ITGBL1: variants seen among roughly 807,000 people sequenced by gnomAD.
ITGBL1 encodes integrin subunit beta like 1, also known as integrin beta-like protein 1.
ITGBL1 carries 51 observed loss-of-function variants against 68.5 expected under a neutral mutation model. That is an observed-to-expected ratio of 0.74 (90% CI 0.59 to 0.94). The LOEUF is 0.94. Ranked by LOEUF, ITGBL1 falls within the 40% of genes least tolerant of loss-of-function variation. The pLI is 0.00. For synonymous variants in ITGBL1, 209 were observed against 227.3 expected (o/e 0.92, Z 0.72); for missense variants, 649 against 647.4 (o/e 1.00, Z -0.03).
At chr13:101,474,953 C>A (rs1415348681) in intron 2 of ITGBL1, among the ~76,000 whole-genome samples, 3 of 152,124 alleles carry the variant, frequency 2.0e-5, no homozygotes, top group Non-Finnish European at 4.4e-5. Flanking sequence ...CTTGGAAATC[C>A]CTTCTAAGAA....
chr13:101,694,168 G>A (rs996784010), intron 8 of ITGBL1, among the ~76,000 whole-genome samples: 7 of 152,038 alleles, frequency 4.6e-5, no homozygotes, highest in Non-Finnish European at 7.4e-5. Flanking sequence ...TGACACCAAC[G>A]TGTTTTAACA....
At chr13:101,686,929 T>C (rs1317072484) in intron 7 of ITGBL1, among the ~76,000 whole-genome samples, 1 of 152,194 alleles carries the variant, frequency 6.6e-6, no homozygotes, top group African/African-American at 2.4e-5. Flanking sequence ...GAGATAGTTA[T>C]ATAGAAAATT....
At chr13:101,582,866 A>C (rs907252827) in intron 5 of ITGBL1, among the ~76,000 whole-genome samples, 2 of 151,942 alleles carry the variant, frequency 1.3e-5, no homozygotes, top group Non-Finnish European at 2.9e-5. Flanking sequence ...GTGTTTGTTA[A>C]TTTTTCTTTC....
chr13:101,581,075 A>T (rs537433930), intron 5 of ITGBL1, among the ~76,000 whole-genome samples: 1 of 152,206 alleles, frequency 6.6e-6, no homozygotes, highest in African/African-American at 2.4e-5. Context: ...CATTGCATCC[A>T]TAGGTAATAG....
chr13:101,567,512 G>A (rs369376536), intron 2 of ITGBL1, among the ~76,000 whole-genome samples, 187 bp from the exon 3 acceptor site: 1 of 152,036 alleles, frequency 6.6e-6, no homozygotes, highest in South Asian at 2.1e-4. Context: ...GTTGACTATT[G>A]AAATAAAATT....
At position 101,668,506 on chromosome 13, in the gene ITGBL1, C is replaced by T. The variant is rs557762274; in HGVS notation, c.1016-24079C>T. Among the ~76,000 whole-genome samples the T allele has an allele frequency of 5.3e-5, 8 of 152,280 alleles. No individual in the cohort carries two copies. The South Asian group carries it at 1.7e-3, about 32-fold the overall frequency. ...GGTTTAAGAAAAACAGCTGTATTTT[C>T]TGAGTTACTGGCAAAATACCCATAT... On this transcript the variant is annotated intron_variant, in intron 7 of 10. Coordinates refer to ENST00000376180, the MANE Select transcript of ITGBL1 (RefSeq NM_004791.3).
At chr13:101,538,014 A>T (rs1420101712) in intron 2 of ITGBL1, among the ~76,000 whole-genome samples, 1 of 152,072 alleles carries the variant, frequency 6.6e-6, no homozygotes, top group Non-Finnish European at 1.5e-5. Flanking sequence ...AATAATGTCT[A>T]TGCACACATA....
At chr13:101,698,007 C>T (rs761932320) in intron 8 of ITGBL1, among the ~76,000 whole-genome samples, 6 of 152,154 alleles carry the variant, frequency 3.9e-5, no homozygotes, top group Non-Finnish European at 7.3e-5. Flanking sequence ...CATCATCTCT[C>T]CAGTGGAGAA....
chr13:101,511,749 T>C (rs1566709089), intron 2 of ITGBL1, among the ~76,000 whole-genome samples: 1 of 152,032 alleles, frequency 6.6e-6, no homozygotes, highest in Non-Finnish European at 1.5e-5. Flanking sequence ...CGTTCAAGTC[T>C]CCAGATGAGA....
chr13:101,642,216 C>T (rs1373264688), intron 7 of ITGBL1, among the ~76,000 whole-genome samples: 1 of 151,990 alleles, frequency 6.6e-6, no homozygotes, highest in African/African-American at 2.4e-5. Flanking sequence ...ACATCCTCTC[C>T]AGCACTTGTT....
intron 2 of ITGBL1, among the ~76,000 whole-genome samples, chr13:101,467,795 G>A (rs1478388911): frequency 2.0e-5 from 3 of 152,046 alleles, no homozygotes; most frequent in African/African-American, 2.4e-5. Context: ...TTCAAACACC[G>A]AATTATTTAA....
At chr13:101,698,538 T>C (rs1266671610) in intron 8 of ITGBL1, among the ~76,000 whole-genome samples, 1 of 152,188 alleles carries the variant, frequency 6.6e-6, no homozygotes, top group Non-Finnish European at 1.5e-5. Flanking sequence ...AGTGAGATCG[T>C]TCTTCATTTA....
chr13:101,641,831 C>G (rs868352469), intron 7 of ITGBL1, among the ~76,000 whole-genome samples: 2 of 148,252 alleles, frequency 1.3e-5, no homozygotes, highest in Non-Finnish European at 3.0e-5. Flanking sequence ...TTTGTTCTTG[C>G]GATAGTTTAC....
intron 2 of ITGBL1, among the ~76,000 whole-genome samples, chr13:101,509,524 A>G (rs2049081278): frequency 6.6e-6 from 1 of 152,160 alleles, no homozygotes; most frequent in Admixed American, 6.6e-5. Flanking sequence ...GAATAATACC[A>G]TTGGACCCGG....
At chr13:101,667,417 C>A (rs1432777455) in intron 7 of ITGBL1, among the ~76,000 whole-genome samples, 1 of 151,580 alleles carries the variant, frequency 6.6e-6, no homozygotes, top group Non-Finnish European at 1.5e-5. Flanking sequence ...GATTATTTTT[C>A]TCATGGCATT....
intron 7 of ITGBL1, among the ~76,000 whole-genome samples, chr13:101,623,564 T>C (rs774528108): frequency 2.6e-5 from 4 of 152,202 alleles, no homozygotes; most frequent in Non-Finnish European, 5.9e-5. Context: ...CCCATACAGA[T>C]TCCTGGTAAG....
chr13:101,697,317 C>T (rs1484707758), intron 8 of ITGBL1, among the ~76,000 whole-genome samples: 1 of 152,092 alleles, frequency 6.6e-6, no homozygotes, highest in Non-Finnish European at 1.5e-5. Flanking sequence ...TCTGATGACA[C>T]TATGTTGTAT....
intron 4 of ITGBL1, among the ~76,000 whole-genome samples, chr13:101,576,302 G>A (rs1181757235): frequency 6.6e-6 from 1 of 152,108 alleles, no homozygotes; most frequent in Admixed American, 6.6e-5. Flanking sequence ...CACCACTCAC[G>A]ACTGCATCAG....
chr13:101,622,036 G>T (rs913780777), intron 7 of ITGBL1, among the ~76,000 whole-genome samples: 4 of 152,100 alleles, frequency 2.6e-5, no homozygotes, highest in African/African-American at 9.7e-5. Context: ...AAATAAGCAG[G>T]CAGGGGTTTC....
Sources: allele counts gnomAD v4.1 joint callset (sites outside exome capture counted in the v4.1 genomes callset), GRCh38; gene constraint gnomAD v4.1.1; transcripts MANE v1.5; gene names NCBI Gene and HGNC (gene_info 2026-07-23, HGNC 2026-07-21).